MACROD2: variants seen among roughly 807,000 people sequenced by gnomAD.
MACROD2 encodes the protein mono-ADP ribosylhydrolase 2.
A neutral mutation model predicts 70.4 loss-of-function variants in MACROD2; 36 were observed. That is an observed-to-expected ratio of 0.51 (90% CI 0.39 to 0.68). The LOEUF is 0.68. MACROD2 is among the 30% of genes least tolerant of loss of function. The pLI, the probability that MACROD2 is intolerant of heterozygous loss-of-function variation, is 0.00. For synonymous variants in MACROD2, 172 were observed against 178.8 expected, an observed-to-expected ratio of 0.96 and a Z score of 0.30; for missense variants, 496 against 538.4, an observed-to-expected ratio of 0.92 and a Z score of 0.78.
At chr20:15,027,755 T>C (rs1216122810) in intron 5 of MACROD2, among the ~76,000 whole-genome samples, 3 of 151,690 alleles carry the variant, frequency 2.0e-5, no homozygotes, top group Non-Finnish European at 2.9e-5. Flanking sequence ...GAGTGAATGT[T>C]CTCACCCCTA....
intron 5 of MACROD2, among the ~76,000 whole-genome samples, chr20:14,873,262 A>G (rs2073510332): frequency 6.6e-6 from 1 of 152,166 alleles, no homozygotes; most frequent in African/African-American, 2.4e-5. Context: ...TACATTTATT[A>G]TTATGACTTT....
At chr20:15,001,240 T>C (rs2074992876) in intron 5 of MACROD2, among the ~76,000 whole-genome samples, 1 of 152,164 alleles carries the variant, frequency 6.6e-6, no homozygotes, top group African/African-American at 2.4e-5. Context: ...TTTGATAAGC[T>C]ACCAGATCAC....
intron 13 of MACROD2, among the ~76,000 whole-genome samples, chr20:15,976,312 A>C (rs4813203): frequency 0.59 from 90,272 of 152,168 alleles, 29,415 homozygotes; most frequent in Non-Finnish European, 0.72. Context: ...AGAAAAGCGA[A>C]TGGATTTTTG....
At chr20:15,905,375 A>G (rs954097587) in intron 10 of MACROD2, among the ~76,000 whole-genome samples, 4 of 152,230 alleles carry the variant, frequency 2.6e-5, no homozygotes, top group Non-Finnish European at 5.9e-5. Flanking sequence ...TTTTATAGTA[A>G]CTTTAAAGGT....
Position 14,908,383 on chromosome 20 carries a change from G to A in MACROD2, c.418+223424G>A, listed in dbSNP as rs183637833. 1.0e-3 allele frequency among the ~76,000 whole-genome samples: 157 copies of A among 151,954 alleles called. 2 individuals carry two copies. Among genetic ancestry groups the A allele is most frequent in the African/African-American group, 3.5e-3 (143 of 41,446 alleles). The stretch of plus-strand genomic sequence containing the variant: ...AAAAAGTGTATTGTCGGCCACGCAT[G>A]GTGGCTCATGCTTATAATCCCAGCA... On this transcript the variant is annotated intron_variant, in intron 5 of 17. Transcript: ENST00000684519.
At chr20:15,250,718 A>T (rs1444183938) in intron 6 of MACROD2, among the ~76,000 whole-genome samples, 1 of 152,012 alleles carries the variant, frequency 6.6e-6, no homozygotes, top group African/African-American at 2.4e-5. Flanking sequence ...CTCCCTTCTT[A>T]TCCTTTGGAT....
chr20:14,749,120 T>C (rs142847121), intron 5 of MACROD2, among the ~76,000 whole-genome samples: 2,075 of 152,190 alleles, frequency 0.014, 60 homozygotes, highest in African/African-American at 0.046. Flanking sequence ...ACTAAAATAC[T>C]TCAGTATTTT....
intron 15 of MACROD2, among the ~76,000 whole-genome samples, chr20:15,987,936 G>T (rs927562): frequency 0.89 from 136,153 of 152,166 alleles, 62,423 homozygotes; most frequent in East Asian, 1. Flanking sequence ...ATATGTATTT[G>T]CAAAGCAGTT....
intron 4 of MACROD2, among the ~76,000 whole-genome samples, chr20:14,588,566 G>A (rs6135193): frequency 0.11 from 17,089 of 152,090 alleles, 1,348 homozygotes; most frequent in South Asian, 0.34. Context: ...GAGTGCAGTG[G>A]CGTGCGATCT....
chr20:15,056,615 T>C (rs778772034), intron 5 of MACROD2, among the ~76,000 whole-genome samples: 36 of 151,990 alleles, frequency 2.4e-4, no homozygotes, highest in Non-Finnish European at 4.7e-4. Flanking sequence ...TGGTCCCAAT[T>C]GTGTAAATTT....
chr20:15,700,438 T>C (rs2050440804), intron 8 of MACROD2, among the ~76,000 whole-genome samples: 1 of 152,238 alleles, frequency 6.6e-6, no homozygotes, highest in Admixed American at 6.5e-5. Context: ...CCAACTCGGC[T>C]CCGAAGTGCC....
chr20:15,590,987 G>GA (rs2048671707), intron 8 of MACROD2, among the ~76,000 whole-genome samples: 2 of 146,008 alleles, frequency 1.4e-5, no homozygotes, highest in Admixed American at 7.0e-5. Flanking sequence ...AAGAAAAGAA[G>GA]AGAGAGAGAG....
At chr20:14,673,451 G>A (rs990675131) in intron 4 of MACROD2, among the ~76,000 whole-genome samples, 1 of 152,152 alleles carries the variant, frequency 6.6e-6, no homozygotes, top group African/African-American at 2.4e-5. Flanking sequence ...TGGCTGGAGA[G>A]ACTGATTTTA....
intron 6 of MACROD2, among the ~76,000 whole-genome samples, chr20:15,396,795 G>A (rs774591725): frequency 2.6e-4 from 40 of 152,118 alleles, no homozygotes; most frequent in Non-Finnish European, 4.6e-4. Context: ...TAACATGTGC[G>A]ACTTTGCTCT....
intron 2 of MACROD2, among the ~76,000 whole-genome samples, chr20:14,005,264 AAAAAAT>A (rs1399642641): frequency 6.6e-5 from 10 of 152,180 alleles, no homozygotes; most frequent in Non-Finnish European, 7.3e-5. Context: ...GATGATTACC[AAAAAAT>A]AAAAATAAAA....
rs576833832 is a variant in MACROD2, at chr20:14,009,063, A to G, written c.163+6659A>G. On this transcript the variant is annotated intron_variant, in intron 2 of 17. Transcript: ENST00000684519. ...CCATTCAGGATCTAGGCATGGGCAA[A>G]GATTTCATGTGAAGATGCCAAAAAC... Among the ~76,000 whole-genome samples, 20 of 152,324 alleles carry G rather than the reference A, an allele frequency of 1.3e-4. No individual in the cohort carries two copies. In the South Asian group the frequency reaches 4.1e-3, roughly 32 times the overall value.
chr20:15,241,956 T>A (rs186318819), intron 6 of MACROD2, among the ~76,000 whole-genome samples: 264 of 152,234 alleles, frequency 1.7e-3, no homozygotes, highest in South Asian at 0.017. Context: ...TTTTTTTTCC[T>A]TCAACAAAAT....
intron 3 of MACROD2, among the ~76,000 whole-genome samples, chr20:14,154,997 C>G (rs2055079731): frequency 1.3e-5 from 2 of 152,172 alleles, no homozygotes; most frequent in Admixed American, 6.5e-5. Flanking sequence ...GCACTCAACA[C>G]TGGGTAGAAA....
intron 6 of MACROD2, among the ~76,000 whole-genome samples, chr20:15,403,264 C>T (rs138705256): frequency 1.3e-3 from 195 of 152,260 alleles, no homozygotes; most frequent in African/African-American, 4.3e-3. Flanking sequence ...CACCGCGTCT[C>T]ACCTTAAGAA....
Sources: allele counts gnomAD v4.1 joint callset (sites outside exome capture counted in the v4.1 genomes callset), GRCh38; gene constraint gnomAD v4.1.1; transcripts MANE v1.5; gene names NCBI Gene and HGNC (gene_info 2026-07-23, HGNC 2026-07-21).